The following BAHCC1 variants were observed in gnomAD, a reference collection of about 807,000 sequenced individuals.
BAHCC1 encodes the protein BAH and coiled-coil domain-containing protein 1.
A neutral mutation model predicts 88.2 loss-of-function variants in BAHCC1; 43 were observed. The ratio of observed to expected loss-of-function variants is 0.49; its 90% CI spans 0.38 to 0.63. The LOEUF is 0.63. Ranked by LOEUF, BAHCC1 falls within the 20% of genes least tolerant of loss-of-function variation. The probability of loss-of-function intolerance (pLI) is 0.00; values close to 1 mark genes in which losing one functional copy is unlikely to be tolerated. For synonymous variants in BAHCC1, 1,510 were observed against 745.5 expected, an observed-to-expected ratio of 2.03 and a Z score of -16.71; for missense variants, 3,023 against 1,654.8, an observed-to-expected ratio of 1.83 and a Z score of -14.34.
intron 6 of BAHCC1, chr17:81,444,169 C>T (rs1371161966): frequency 1.7e-6 from 1 of 605,564 alleles, no homozygotes; most frequent in Non-Finnish European, 2.9e-6. Context: ...GTCAGCCCTG[C>T]AGAGCACTGA....
intron 2 of BAHCC1, among the ~76,000 whole-genome samples, chr17:81,400,263 C>G (rs782754639): frequency 6.6e-6 from 1 of 152,224 alleles, no homozygotes; most frequent in Non-Finnish European, 1.5e-5. Flanking sequence ...ATTCACCTCC[C>G]TAAGACGTTC....
chr17:81,462,497 GA>G (rs2030387111), intron 26 of BAHCC1: 5 of 553,218 alleles, frequency 9.0e-6, no homozygotes, highest in African/African-American at 1.9e-5. Context: ...CCCTGTCCCA[GA>G]TCCAGTGTCC....
Position 81,447,496 on chromosome 17 carries a change from G to A in BAHCC1, c.3624G>A (p.Gly1208=), listed in dbSNP as rs371697650. 6.7e-6 allele frequency: 5 copies of A among 745,720 alleles called. No homozygotes were observed. The highest frequency in any genetic ancestry group is 1.2e-5 in the Non-Finnish European group (5 of 401,306). 46.2% of individuals were successfully genotyped at this position (745,720 alleles called of 1,614,324 possible). A position where few individuals can be genotyped will look rare whatever the true frequency, so the allele number is the denominator to read the frequency against. ...ASSQVLEQRA[G]SPGALEDEGE... is the part of the protein sequence containing the mutation. The stretch of plus-strand genomic sequence containing the variant: ...CCCAAGTCCTGGAGCAGCGAGCAGG[G>A]AGTCCGGGTGCCCTTGAGGACGAGG... Residue 1208 remains glycine (G), a synonymous_variant, in exon 11 of 28, where the codon GGG becomes GGA. Coordinates refer to ENST00000675386, the MANE Select transcript of BAHCC1 (RefSeq NM_001377448.1).
intron 9 of BAHCC1, 42 bp from the exon 10 acceptor site, chr17:81,445,312 G>A (rs1244172975): frequency 4.0e-6 from 3 of 745,722 alleles, no homozygotes; most frequent in Non-Finnish European, 7.5e-6. Flanking sequence ...ACTGGGGTCA[G>A]GGGATCCTGA....
At chr17:81,462,657 C>A in intron 26 of BAHCC1, 83 bp from the exon 27 acceptor site, 1 of 685,938 alleles carries the variant, frequency 1.5e-6, no homozygotes, top group East Asian at 2.5e-5. Flanking sequence ...CACACCCACA[C>A]CACACCCTCC....
At chr17:81,398,943 A>C (rs1265782101) in intron 1 of BAHCC1, among the ~76,000 whole-genome samples, 1 of 151,910 alleles carries the variant, frequency 6.6e-6, no homozygotes, top group Non-Finnish European at 1.5e-5. Context: ...TAAAAAAAAA[A>C]AAAACTCTTG....
chr17:81,437,317 G>A (rs1377007230), intron 3 of BAHCC1, among the ~76,000 whole-genome samples: 2 of 152,354 alleles, frequency 1.3e-5, no homozygotes, highest in East Asian at 3.9e-4. Context: ...GCCGGCACTG[G>A]CACCACCTGC....
At chr17:81,433,118 T>G (rs1187151828) in intron 3 of BAHCC1, among the ~76,000 whole-genome samples, 1 of 151,324 alleles carries the variant, frequency 6.6e-6, no homozygotes, top group Non-Finnish European at 1.5e-5. Context: ...GCCAGTTCCC[T>G]GCAGGCCTGT....
At chr17:81,413,844 G>A (rs975983062) in intron 2 of BAHCC1, among the ~76,000 whole-genome samples, 1 of 152,254 alleles carries the variant, frequency 6.6e-6, no homozygotes, top group Non-Finnish European at 1.5e-5. Context: ...TCGCTATGGG[G>A]TGCTGGGGCG....
At position 81,438,378 on chromosome 17, in the gene BAHCC1, T is replaced by C. The variant is rs781978534; in HGVS notation, c.367T>C (p.Tyr123His). Residue 123 changes from tyrosine (Y) to histidine (H), a missense_variant, in exon 4 of 28, where the codon TAC (tyrosine) becomes CAC (histidine). Transcript: ENST00000675386. ...GTCTCTTGCTTCTCTAGCTCCGGGG[T>C]ACCCCAGATTTTCGGGGAGTCTGGC... ...WFSHSHEAPG[Y>H]PRFSGSLAST... 2 of 778,586 alleles carry C rather than the reference T, an allele frequency of 2.6e-6. No individual in the cohort carries two copies. The highest frequency in any genetic ancestry group is 2.7e-5 in the South Asian group (2 of 74,388). The allele number at this position is 778,586 out of a possible 1,614,324, so 48.2% of individuals were successfully genotyped here.
chr17:81,433,221 G>A (rs534109077), intron 3 of BAHCC1, among the ~76,000 whole-genome samples: 6 of 152,122 alleles, frequency 3.9e-5, no homozygotes, highest in African/African-American at 9.6e-5. Flanking sequence ...GTGCCGCCCC[G>A]CAACCACTCA....
Position 81,429,338 on chromosome 17 carries a change from C to G in BAHCC1, c.358+2359C>G, listed in dbSNP as rs966744412. ...GGCCCGTGCTCCAGCTTGCTGTCCCCTGCTCTGCCTTCAGTTCAGTTGTCC... is the reference window on the plus strand; with the variant it reads ...GGCCCGTGCTCCAGCTTGCTGTCCCGTGCTCTGCCTTCAGTTCAGTTGTCC... On this transcript the variant is annotated intron_variant, in intron 3 of 27. Transcript: ENST00000675386. Among the ~76,000 whole-genome samples, 117 of 152,358 alleles carry G rather than the reference C, an allele frequency of 7.7e-4. 1 individual carries two copies. In the East Asian group the frequency reaches 0.017, roughly 23 times the overall value.
At chr17:81,421,464 G>A (rs564446045) in intron 2 of BAHCC1, among the ~76,000 whole-genome samples, 4 of 152,336 alleles carry the variant, frequency 2.6e-5, no homozygotes, top group East Asian at 3.9e-4. Context: ...GGGGTTTCCC[G>A]GGCTCCTCGG....
chr17:81,418,796 C>CGTGTGTGTGTGTGCGCAT (rs539655672), intron 2 of BAHCC1, among the ~76,000 whole-genome samples: 47 of 144,918 alleles, frequency 3.2e-4, no homozygotes, highest in South Asian at 2.0e-3. Flanking sequence ...TACGTGTGTG[C>CGTGTGTGTGTGTGCGCAT]GTGTGTGTGT....
chr17:81,450,728 A>T (rs1316158393), intron 11 of BAHCC1, among the ~76,000 whole-genome samples: 1 of 152,148 alleles, frequency 6.6e-6, no homozygotes, highest in Non-Finnish European at 1.5e-5. Context: ...GTCACAGCAG[A>T]TGAGACTGCA....
chr17:81,415,183 G>A (rs1313281691), intron 2 of BAHCC1, among the ~76,000 whole-genome samples: 10 of 152,330 alleles, frequency 6.6e-5, no homozygotes, highest in East Asian at 5.8e-4. Context: ...AGACCCGTCC[G>A]CTGGCAGCTT....
Position 81,456,241 on chromosome 17 carries a change from G to A in BAHCC1, c.4570-56G>A, listed in dbSNP as rs147337266. The A allele has an allele frequency of 2.9e-5, 20 of 685,750 alleles. No homozygotes were observed. In the East Asian group the frequency reaches 5.2e-4, roughly 18 times the overall value. The allele number at this position is 685,750 out of a possible 1,614,324, so 42.5% of individuals were successfully genotyped here. On this transcript the variant is annotated intron_variant, in intron 15 of 27. Coordinates refer to ENST00000675386, the MANE Select transcript of BAHCC1 (RefSeq NM_001377448.1). ...AACAGAGAGGCACCTAACCGCCCAGGGGCTGTGGTTTGCAGAGGGCGCCCT... is the reference window on the plus strand; with the variant it reads ...AACAGAGAGGCACCTAACCGCCCAGAGGCTGTGGTTTGCAGAGGGCGCCCT...
chr17:81,456,660 A>G, intron 16 of BAHCC1, 75 bp downstream of exon 16: 1 of 647,548 alleles, frequency 1.5e-6, no homozygotes. Flanking sequence ...AGGGGGCGGC[A>G]GGTTCATGGC....
rs1028681549 is a variant in BAHCC1 at position 81,462,727 on chromosome 17, A to G, written c.7384-13A>G. 1 of 740,484 alleles carries G rather than the reference A, an allele frequency of 1.4e-6. No individual in the cohort carries two copies. The highest frequency in any genetic ancestry group is 2.5e-6 in the Non-Finnish European group (1 of 395,780). 45.9% of individuals were successfully genotyped at this position (740,484 alleles called of 1,614,324 possible). A position where few individuals can be genotyped will look rare whatever the true frequency, so the allele number is the denominator to read the frequency against. Reference sequence around the variant, plus strand: ...CCGGCCTCTCAGAGCCACCCTGCCCATGTCCCCCACAGCGGCGTGGCATGA... The same window carrying G: ...CCGGCCTCTCAGAGCCACCCTGCCCGTGTCCCCCACAGCGGCGTGGCATGA... On this transcript the variant is annotated splice_polypyrimidine_tract_variant and intron_variant, in intron 26 of 27. Transcript: ENST00000675386.
Sources: allele counts gnomAD v4.1 joint callset (sites outside exome capture counted in the v4.1 genomes callset), GRCh38; gene constraint gnomAD v4.1.1; transcripts MANE v1.5; gene names NCBI Gene and HGNC (gene_info 2026-07-23, HGNC 2026-07-21).